TAX1BP1: variants seen among roughly 807,000 people sequenced by gnomAD.
TAX1BP1 encodes the protein Tax1 binding protein 1.
In TAX1BP1, 62 loss-of-function variants were observed where a neutral mutation model predicts 97.7. That is an observed-to-expected ratio of 0.63 (90% CI 0.52 to 0.78). TAX1BP1 has a LOEUF of 0.78. Among genes scored for constraint, TAX1BP1 ranks in the 30% least tolerant of loss-of-function variants. The pLI, the probability that TAX1BP1 is intolerant of heterozygous loss-of-function variation, is 0.00. For synonymous variants in TAX1BP1, 340 were observed against 304.2 expected (o/e 1.12, Z -1.23); for missense variants, 867 against 916.1 (o/e 0.95, Z 0.69).
At chr7:27,766,143 G>C (rs1253264492) in intron 4 of TAX1BP1, 122 bp downstream of exon 4, 1 of 1,004,730 alleles carries the variant, frequency 1.0e-6, no homozygotes, top group Non-Finnish European at 1.4e-6. Flanking sequence ...TGCTTTGGCT[G>C]GGCGCAGTGG....
intron 15 of TAX1BP1, among the ~76,000 whole-genome samples, chr7:27,825,697 C>G (rs1347483714): frequency 6.6e-6 from 1 of 151,788 alleles, no homozygotes; most frequent in Non-Finnish European, 1.5e-5. Context: ...GTTAACATGT[C>G]TGACAGTTTG....
chr7:27,784,512 C>T (rs1789392293), intron 5 of TAX1BP1, among the ~76,000 whole-genome samples: 1 of 152,106 alleles, frequency 6.6e-6, no homozygotes, highest in South Asian at 2.1e-4. Context: ...TATGTTAGTG[C>T]TTTGATGGCA....
chr7:27,800,500 T>C (rs2128320241), intron 13 of TAX1BP1, among the ~76,000 whole-genome samples: 1 of 152,114 alleles, frequency 6.6e-6, no homozygotes, highest in East Asian at 1.9e-4. Context: ...GAGGATTGCT[T>C]GAGTCCAGTA....
intron 8 of TAX1BP1, among the ~76,000 whole-genome samples, chr7:27,789,195 G>A (rs1239585118): frequency 1.3e-5 from 2 of 151,908 alleles, no homozygotes; most frequent in East Asian, 3.9e-4. Flanking sequence ...GTATAGAAAC[G>A]CCATGTTCAA....
intron 15 of TAX1BP1, among the ~76,000 whole-genome samples, chr7:27,820,084 A>G (rs567879534): frequency 2.8e-4 from 42 of 152,334 alleles, no homozygotes; most frequent in African/African-American, 9.6e-4. Context: ...ATGATTTTTA[A>G]CATTTGGGAT....
At chr7:27,768,523 T>C (rs1351317034) in intron 4 of TAX1BP1, among the ~76,000 whole-genome samples, 1 of 151,890 alleles carries the variant, frequency 6.6e-6, no homozygotes, top group Non-Finnish European at 1.5e-5. Context: ...TTGTGCTATG[T>C]CAAGATATAT....
intron 4 of TAX1BP1, among the ~76,000 whole-genome samples, chr7:27,769,347 A>C (rs1788758793): frequency 6.6e-6 from 1 of 151,970 alleles, no homozygotes; most frequent in Non-Finnish European, 1.5e-5. Context: ...ATTACTGTGG[A>C]TAAGAAAGCC....
chr7:27,760,617 A>G (rs940132488), intron 3 of TAX1BP1, among the ~76,000 whole-genome samples: 1 of 151,516 alleles, frequency 6.6e-6, no homozygotes, highest in Non-Finnish European at 1.5e-5. Context: ...GGTGGTCTCG[A>G]TCTCCTGACC....
chr7:27,781,656 G>A (rs1201404043), intron 5 of TAX1BP1, among the ~76,000 whole-genome samples: 2 of 152,020 alleles, frequency 1.3e-5, no homozygotes, highest in Non-Finnish European at 2.9e-5. Context: ...GGGCATTGCT[G>A]TACACTACTG....
intron 8 of TAX1BP1, among the ~76,000 whole-genome samples, chr7:27,790,082 A>C (rs2128317411): frequency 6.6e-6 from 1 of 152,122 alleles, no homozygotes; most frequent in Non-Finnish European, 1.5e-5. Context: ...TGTAATCCTC[A>C]TCCCTTCTCA....
intron 13 of TAX1BP1, among the ~76,000 whole-genome samples, chr7:27,815,951 T>C (rs1790751290): frequency 6.6e-6 from 1 of 152,174 alleles, no homozygotes; most frequent in Admixed American, 6.5e-5. Flanking sequence ...GGAGAATTGC[T>C]TGAACCCAGG....
At chr7:27,789,334 A>T (rs190674513) in intron 8 of TAX1BP1, among the ~76,000 whole-genome samples, 1 of 151,938 alleles carries the variant, frequency 6.6e-6, no homozygotes, top group East Asian at 1.9e-4. Flanking sequence ...TGAATATGTA[A>T]AACAGTTGCT....
chr7:27,801,690 G>A (rs1328502224), intron 13 of TAX1BP1, among the ~76,000 whole-genome samples: 1 of 152,124 alleles, frequency 6.6e-6, no homozygotes, highest in Non-Finnish European at 1.5e-5. Context: ...TCATCTATAA[G>A]CCATGGGAAG....
At chr7:27,771,718 A>G (rs1286585798) in intron 5 of TAX1BP1, among the ~76,000 whole-genome samples, 1 of 152,000 alleles carries the variant, frequency 6.6e-6, no homozygotes, top group African/African-American at 2.4e-5. Context: ...TTAAATCTTG[A>G]TGACAGTCAC....
intron 12 of TAX1BP1, among the ~76,000 whole-genome samples, 192 bp downstream of exon 12, chr7:27,796,411 A>G (rs1789935250): frequency 6.6e-6 from 1 of 152,174 alleles, no homozygotes; most frequent in South Asian, 2.1e-4. Flanking sequence ...TGTGTGTAGC[A>G]TCATGAGACC....
At position 27,828,981 on chromosome 7, in the gene TAX1BP1, C is replaced by T; in HGVS notation, c.*152C>T. 1.7e-6 allele frequency: 1 copy of T among 593,688 alleles called. No homozygotes were observed. The highest frequency in any genetic ancestry group is 2.9e-6 in the Non-Finnish European group (1 of 349,254). 36.8% of individuals were successfully genotyped at this position (593,688 alleles called of 1,614,324 possible). A position where few individuals can be genotyped will look rare whatever the true frequency, so the allele number is the denominator to read the frequency against. On this transcript the variant is annotated 3_prime_UTR_variant, in exon 17 of 17. Transcript: ENST00000396319. ...AGGAGCTACTTTGAGTTTGGTGTTACTAGGATCAGGGTCAGTCTTTGGCTT... is the reference window on the plus strand; with the variant it reads ...AGGAGCTACTTTGAGTTTGGTGTTATTAGGATCAGGGTCAGTCTTTGGCTT...
intron 2 of TAX1BP1, among the ~76,000 whole-genome samples, chr7:27,754,564 T>C (rs1170426946): frequency 6.6e-6 from 1 of 151,774 alleles, no homozygotes; most frequent in Non-Finnish European, 1.5e-5. Context: ...TTCAGTCTTT[T>C]TTGTTTTTTG....
intron 15 of TAX1BP1, among the ~76,000 whole-genome samples, chr7:27,820,309 C>T (rs1790926678): frequency 1.3e-5 from 2 of 152,172 alleles, no homozygotes; most frequent in Non-Finnish European, 2.9e-5. Flanking sequence ...CTGTGAACCC[C>T]TAAACTGCAG....
At chr7:27,818,252 C>T (rs1790854386) in intron 15 of TAX1BP1, among the ~76,000 whole-genome samples, 2 of 152,118 alleles carry the variant, frequency 1.3e-5, no homozygotes, top group Admixed American at 1.3e-4. Flanking sequence ...GTCTTGTGCT[C>T]ATTTGCTGAC....
Sources: allele counts gnomAD v4.1 joint callset (sites outside exome capture counted in the v4.1 genomes callset), GRCh38; gene constraint gnomAD v4.1.1; transcripts MANE v1.5; gene names NCBI Gene and HGNC (gene_info 2026-07-23, HGNC 2026-07-21).